The following SNX29 variants were observed in gnomAD, a reference collection of about 807,000 sequenced individuals.
The protein encoded by SNX29 is sorting nexin-29.
A neutral mutation model predicts 102.1 loss-of-function variants in SNX29; 78 were observed. That is an observed-to-expected ratio of 0.76 (90% CI 0.64 to 0.92). The LOEUF (loss-of-function observed/expected upper bound fraction) is 0.92, where lower values mean the gene tolerates loss of function less well. SNX29 is among the 40% of genes least tolerant of loss of function. SNX29 has a pLI of 0.00. For missense variants in SNX29, 1,280 were observed against 1,061.7 expected, an observed-to-expected ratio of 1.21 and a Z score of -2.86; for synonymous variants, 580 against 414.5, an observed-to-expected ratio of 1.40 and a Z score of -4.85.
intron 20 of SNX29, among the ~76,000 whole-genome samples, chr16:12,542,915 C>G (rs2077408013): frequency 6.6e-6 from 1 of 152,120 alleles, no homozygotes; most frequent in Non-Finnish European, 1.5e-5. Flanking sequence ...GGAATCTTTG[C>G]TTAGCAAAAC....
Position 12,538,785 on chromosome 16 carries a change from A to T in SNX29, c.2318+13944A>T, listed in dbSNP as rs576353954. ...AAGCTGTGAGCATGTCACATCGCCAAGGGGGATTACAAGGCAGAAACCAGA... is the reference window on the plus strand; with the variant it reads ...AAGCTGTGAGCATGTCACATCGCCATGGGGGATTACAAGGCAGAAACCAGA... On this transcript the variant is annotated intron_variant, in intron 20 of 20. Transcript: ENST00000566228. 5.9e-4 allele frequency among the ~76,000 whole-genome samples: 90 copies of T among 152,318 alleles called. 1 individual carries two copies. Among genetic ancestry groups the T allele is most frequent in the African/African-American group, 2.0e-3 (83 of 41,562 alleles).
chr16:12,313,865 A>G (rs2080645392), intron 15 of SNX29, among the ~76,000 whole-genome samples: 2 of 152,268 alleles, frequency 1.3e-5, no homozygotes, highest in African/African-American at 4.8e-5. Flanking sequence ...GGTATTTATG[A>G]TCCTTGCTTT....
chr16:12,095,814 C>G (rs1035769012), intron 11 of SNX29, among the ~76,000 whole-genome samples: 1 of 152,196 alleles, frequency 6.6e-6, no homozygotes, highest in Admixed American at 6.5e-5. Context: ...TGATTGTGAG[C>G]CAGGGCAGAG....
intron 20 of SNX29, among the ~76,000 whole-genome samples, chr16:12,549,850 C>G (rs560725028): frequency 1.3e-5 from 2 of 152,386 alleles, no homozygotes; most frequent in South Asian, 2.1e-4. Context: ...GGCCGCATGA[C>G]TGTGGTGAAA....
intron 20 of SNX29, 39 bp downstream of exon 20, chr16:12,524,880 C>A: frequency 6.3e-7 from 1 of 1,597,146 alleles, no homozygotes; most frequent in African/African-American, 1.3e-5. Flanking sequence ...GCCAGCCCTG[C>A]CAGCATTTTT....
chr16:12,537,131 G>A (rs1317643786), intron 20 of SNX29, among the ~76,000 whole-genome samples: 1 of 152,182 alleles, frequency 6.6e-6, no homozygotes, highest in Non-Finnish European at 1.5e-5. Flanking sequence ...TTGGTGAAAT[G>A]GATCTCAGAG....
At chr16:12,042,081 A>T (rs1440766340) in intron 4 of SNX29, among the ~76,000 whole-genome samples, 1 of 152,188 alleles carries the variant, frequency 6.6e-6, no homozygotes, top group South Asian at 2.1e-4. Flanking sequence ...ACCAGGCCGG[A>T]GTGCAGTGGT....
intron 20 of SNX29, among the ~76,000 whole-genome samples, chr16:12,540,019 CTTT>C (rs1160703463): frequency 2.0e-5 from 3 of 152,146 alleles, no homozygotes; most frequent in African/African-American, 7.2e-5. Context: ...TGCATGACAC[CTTT>C]TTAATTTTGA....
chr16:12,025,408 G>A (rs1020360537), intron 3 of SNX29, among the ~76,000 whole-genome samples: 3 of 151,424 alleles, frequency 2.0e-5, no homozygotes, highest in African/African-American at 7.3e-5. Flanking sequence ...TTGTTTCAAT[G>A]TGGGGGAGTA....
At chr16:12,020,450 C>T (rs780182574) in intron 3 of SNX29, among the ~76,000 whole-genome samples, 52 of 151,972 alleles carry the variant, frequency 3.4e-4, no homozygotes, top group Admixed American at 3.9e-4. Context: ...GATCTGCCCA[C>T]CTCGGCCTCC....
chr16:12,539,429 T>A (rs2077223821), intron 20 of SNX29, among the ~76,000 whole-genome samples: 1 of 152,208 alleles, frequency 6.6e-6, no homozygotes, highest in East Asian at 1.9e-4. Flanking sequence ...GAGTCAGCAG[T>A]GTTTTTATTA....
intron 15 of SNX29, among the ~76,000 whole-genome samples, chr16:12,353,573 C>T (rs1338543317): frequency 6.6e-6 from 1 of 152,216 alleles, no homozygotes. Context: ...AGGCCCGATG[C>T]CTGAACCACC....
chr16:12,018,800 C>G, intron 3 of SNX29, among the ~76,000 whole-genome samples: 1 of 149,190 alleles, frequency 6.7e-6, no homozygotes, highest in South Asian at 2.1e-4. Context: ...ATTGCCCATG[C>G]AGGTCTCGAA....
At chr16:12,296,744 A>C (rs1047192153) in intron 15 of SNX29, among the ~76,000 whole-genome samples, 24 of 152,364 alleles carry the variant, frequency 1.6e-4, no homozygotes, top group Non-Finnish European at 2.5e-4. Flanking sequence ...AGTGCCAGTC[A>C]TGGGCCAGGC....
intron 13 of SNX29, among the ~76,000 whole-genome samples, chr16:12,150,248 A>G (rs1160205241): frequency 6.6e-6 from 1 of 152,152 alleles, no homozygotes; most frequent in Non-Finnish European, 1.5e-5. Context: ...TCTTTGAGCT[A>G]TTCAGGCGAG....
At chr16:12,382,491 T>C (rs2083203249) in intron 16 of SNX29, among the ~76,000 whole-genome samples, 1 of 152,174 alleles carries the variant, frequency 6.6e-6, no homozygotes, top group Admixed American at 6.5e-5. Context: ...AAAATGAGAA[T>C]GATCATGATA....
intron 13 of SNX29, among the ~76,000 whole-genome samples, chr16:12,130,199 G>A (rs1302549706): frequency 2.0e-5 from 3 of 150,084 alleles, no homozygotes; most frequent in South Asian, 2.1e-4. Flanking sequence ...AAAAAAAGCC[G>A]GGCATGATGG....
intron 3 of SNX29, among the ~76,000 whole-genome samples, chr16:12,019,056 C>A (rs2056936743): frequency 6.6e-6 from 1 of 152,088 alleles, no homozygotes; most frequent in Non-Finnish European, 1.5e-5. Flanking sequence ...TTTTTCCTCA[C>A]CATAACCTTT....
intron 15 of SNX29, among the ~76,000 whole-genome samples, chr16:12,289,634 A>G (rs1418556375): frequency 6.6e-6 from 1 of 152,190 alleles, no homozygotes; most frequent in East Asian, 1.9e-4. Flanking sequence ...CTTGCGAACG[A>G]ACAGATGAAC....
Sources: allele counts gnomAD v4.1 joint callset (sites outside exome capture counted in the v4.1 genomes callset), GRCh38; gene constraint gnomAD v4.1.1; transcripts MANE v1.5; gene names NCBI Gene and HGNC (gene_info 2026-07-23, HGNC 2026-07-21).